The following SH3GL2 variants were observed in gnomAD, a reference collection of about 807,000 sequenced individuals.
SH3GL2 encodes SH3 domain containing GRB2 like 2, endophilin A1, also known as endophilin-A1.
SH3GL2 carries 24 observed loss-of-function variants against 46.0 expected under a neutral mutation model. That is an observed-to-expected ratio of 0.52 (90% CI 0.38 to 0.73). SH3GL2 has a LOEUF of 0.73. Among genes scored for constraint, SH3GL2 ranks in the 30% least tolerant of loss-of-function variants. The pLI, the probability that SH3GL2 is intolerant of heterozygous loss-of-function variation, is 0.00. For missense variants in SH3GL2, 413 were observed against 424.2 expected (o/e 0.97, Z 0.23); for synonymous variants, 196 against 147.1 (o/e 1.33, Z -2.40).
chr9:17,682,943 C>G (rs557756153), intron 1 of SH3GL2, among the ~76,000 whole-genome samples: 2 of 151,864 alleles, frequency 1.3e-5, no homozygotes, highest in South Asian at 2.1e-4. Flanking sequence ...GTGTAGAAAG[C>G]TCACAGAGTG....
At chr9:17,777,027 G>T (rs1823659775) in intron 3 of SH3GL2, among the ~76,000 whole-genome samples, 1 of 152,180 alleles carries the variant, frequency 6.6e-6, no homozygotes, top group Non-Finnish European at 1.5e-5. Flanking sequence ...AATACCTGTA[G>T]ACAGAGGCAG....
intron 3 of SH3GL2, among the ~76,000 whole-genome samples, chr9:17,779,645 C>T (rs1823742166): frequency 6.6e-6 from 1 of 152,158 alleles, no homozygotes. Context: ...TATAAAACCA[C>T]TGGAAGAAAA....
At chr9:17,636,981 T>G (rs768605444) in intron 1 of SH3GL2, among the ~76,000 whole-genome samples, 2 of 152,214 alleles carry the variant, frequency 1.3e-5, no homozygotes, top group Non-Finnish European at 2.9e-5. Context: ...ACAATTTGCT[T>G]GTAGTAGGTT....
At chr9:17,706,057 T>G (rs1821465482) in intron 1 of SH3GL2, among the ~76,000 whole-genome samples, 1 of 151,910 alleles carries the variant, frequency 6.6e-6, no homozygotes, top group Non-Finnish European at 1.5e-5. Context: ...ATAGAAAGTA[T>G]TAGTCGATGA....
chr9:17,713,472 AGTTT>A (rs1283545074), intron 1 of SH3GL2, among the ~76,000 whole-genome samples: 1 of 150,012 alleles, frequency 6.7e-6, no homozygotes, highest in African/African-American at 2.5e-5. Context: ...TTTCCTTTTC[AGTTT>A]GTTAAGGTCA....
chr9:17,645,703 A>T (rs12552456), intron 1 of SH3GL2, among the ~76,000 whole-genome samples: 2 of 151,996 alleles, frequency 1.3e-5, no homozygotes, highest in Admixed American at 1.3e-4. Flanking sequence ...ATTGGCCCCC[A>T]CTGTCTTCTG....
At chr9:17,766,705 GTATTTTA>G (rs1270034511) in intron 3 of SH3GL2, among the ~76,000 whole-genome samples, 1 of 151,834 alleles carries the variant, frequency 6.6e-6, no homozygotes, top group Non-Finnish European at 1.5e-5. Context: ...ATTTCGGTCT[GTATTTTA>G]TACTTACAGC....
chr9:17,595,704 C>T (rs1818557234), intron 1 of SH3GL2, among the ~76,000 whole-genome samples: 1 of 152,056 alleles, frequency 6.6e-6, no homozygotes, highest in Non-Finnish European at 1.5e-5. Flanking sequence ...GCTATTTTAT[C>T]TATAGGGCAA....
At chr9:17,709,783 G>T (rs7869947) in intron 1 of SH3GL2, among the ~76,000 whole-genome samples, 1 of 150,708 alleles carries the variant, frequency 6.6e-6, no homozygotes, top group African/African-American at 2.4e-5. Flanking sequence ...TTAATATTTT[G>T]GACAGCCAAA....
intron 1 of SH3GL2, among the ~76,000 whole-genome samples, chr9:17,658,772 G>C (rs1384872256): frequency 6.6e-6 from 1 of 152,178 alleles, no homozygotes; most frequent in East Asian, 1.9e-4. Flanking sequence ...GAACTTGTCT[G>C]AAAAGCTGTT....
intron 1 of SH3GL2, among the ~76,000 whole-genome samples, chr9:17,671,060 T>TA (rs1820462439): frequency 6.6e-6 from 1 of 152,210 alleles, no homozygotes; most frequent in Non-Finnish European, 1.5e-5. Flanking sequence ...TGCTGGGTCT[T>TA]ATGATTGACA....
At chr9:17,688,026 C>G (rs1301798745) in intron 1 of SH3GL2, among the ~76,000 whole-genome samples, 1 of 152,112 alleles carries the variant, frequency 6.6e-6, no homozygotes, top group Non-Finnish European at 1.5e-5. Flanking sequence ...CATAGTAGCT[C>G]TTTTTCTAGT....
chr9:17,666,806 G>T (rs747481648), intron 1 of SH3GL2, among the ~76,000 whole-genome samples: 1 of 152,064 alleles, frequency 6.6e-6, no homozygotes, highest in Non-Finnish European at 1.5e-5. Context: ...AAAGGTAAAT[G>T]TAAGTACTTT....
At chr9:17,733,252 T>C (rs965138693) in intron 1 of SH3GL2, among the ~76,000 whole-genome samples, 1 of 152,038 alleles carries the variant, frequency 6.6e-6, no homozygotes, top group Non-Finnish European at 1.5e-5. Flanking sequence ...CACATTCTCT[T>C]TTTTTAAATT....
chr9:17,785,460 T>G (rs1823929786), intron 3 of SH3GL2, among the ~76,000 whole-genome samples: 1 of 152,138 alleles, frequency 6.6e-6, no homozygotes, highest in South Asian at 2.1e-4. Context: ...CCTTGTGAAA[T>G]AAATGTCAAG....
chr9:17,711,293 C>G (rs529457786), intron 1 of SH3GL2, among the ~76,000 whole-genome samples: 6 of 151,910 alleles, frequency 3.9e-5, no homozygotes, highest in East Asian at 1.9e-4. Flanking sequence ...GATGGGATGT[C>G]TTATTTTTAA....
intron 1 of SH3GL2, among the ~76,000 whole-genome samples, chr9:17,689,876 C>G (rs979332838): frequency 2.0e-5 from 3 of 152,042 alleles, no homozygotes; most frequent in Non-Finnish European, 4.4e-5. Context: ...AACTTCTTAT[C>G]CCACTAGAAT....
intron 1 of SH3GL2, among the ~76,000 whole-genome samples, chr9:17,672,768 T>C (rs921024663): frequency 7.3e-5 from 11 of 150,772 alleles, no homozygotes; most frequent in African/African-American, 2.5e-4. Flanking sequence ...AATACATCTC[T>C]TTTTACTTCA....
intron 2 of SH3GL2, among the ~76,000 whole-genome samples, chr9:17,750,975 A>C (rs1437949990): frequency 6.6e-6 from 1 of 152,160 alleles, no homozygotes; most frequent in Non-Finnish European, 1.5e-5. Context: ...CAGGCTTCCT[A>C]GAAGAGAGAG....
Sources: gnomAD v4.1 joint callset for allele counts (sites outside exome capture counted in the v4.1 genomes callset) on GRCh38, gnomAD v4.1.1 for gene constraint, MANE v1.5 for transcripts, NCBI Gene and HGNC (gene_info 2026-07-23, HGNC 2026-07-21) for gene names.